The following BARX2 variants were observed in gnomAD, a reference collection of about 807,000 sequenced individuals.
The protein encoded by BARX2 is homeobox protein BarH-like 2.
In BARX2, 11 loss-of-function variants were observed where a neutral mutation model predicts 25.5. That is an observed-to-expected ratio of 0.43 (90% CI 0.27 to 0.71). BARX2 has a LOEUF of 0.71. BARX2 is among the 30% of genes least tolerant of loss of function. The pLI is 0.19. For missense variants in BARX2, 360 were observed against 359.9 expected, an observed-to-expected ratio of 1.00 and a Z score of 0.00; for synonymous variants, 137 against 149.5, an observed-to-expected ratio of 0.92 and a Z score of 0.61.
chr11:129,434,821 C>T (rs938854386), intron 1 of BARX2, among the ~76,000 whole-genome samples: 5 of 152,182 alleles, frequency 3.3e-5, no homozygotes, highest in Non-Finnish European at 5.9e-5. Flanking sequence ...ATATGAATGC[C>T]TATTTCCCCG....
Position 129,451,444 on chromosome 11 carries a change from G to A in BARX2, c.*42G>A. 1.3e-6 allele frequency: 2 copies of A among 1,587,724 alleles called. No individual in the cohort carries two copies. Among genetic ancestry groups the A allele is most frequent in the African/African-American group, 1.3e-5 (1 of 74,106 alleles). On this transcript the variant is annotated 3_prime_UTR_variant, in exon 4 of 4. Coordinates refer to ENST00000281437, the MANE Select transcript of BARX2 (RefSeq NM_003658.5). ...GGGAAGAGGGAGACTGGGGAGAAGG[G>A]AAAAGAGAGAAGGCAGGGAGAGTAG...
At chr11:129,430,516 AT>A (rs953159902) in intron 1 of BARX2, among the ~76,000 whole-genome samples, 4 of 151,942 alleles carry the variant, frequency 2.6e-5, no homozygotes, top group African/African-American at 7.3e-5. Flanking sequence ...TAACATTTTA[AT>A]TTTTTTTGAA....
chr11:129,387,804 A>G (rs1251354180), intron 1 of BARX2, among the ~76,000 whole-genome samples: 1 of 152,190 alleles, frequency 6.6e-6, no homozygotes, highest in Non-Finnish European at 1.5e-5. Flanking sequence ...GGGAGGTGCT[A>G]AATAGGAGTA....
chr11:129,376,301 G>A lies in BARX2; in HGVS notation c.187+79G>A, dbSNP rs763018966. The A allele has an allele frequency of 3.7e-6, 5 of 1,334,710 alleles. No homozygotes were observed. The highest frequency in any genetic ancestry group is 5.1e-6 in the Non-Finnish European group (5 of 980,918). 82.7% of individuals were successfully genotyped at this position (1,334,710 alleles called of 1,614,324 possible). On this transcript the variant is annotated intron_variant, in intron 1 of 3. Transcript: ENST00000281437. The surrounding 1 kb of genome is among the most constrained non-coding windows in gnomAD (Gnocchi z 4.2). ...AGGTGGCCTGTGCTTTGCGATCCGA[G>A]GGCGAGAGGAAGGGTTAAGTTAAGG...
At chr11:129,426,028 T>C (rs1862058557) in intron 1 of BARX2, among the ~76,000 whole-genome samples, 1 of 149,632 alleles carries the variant, frequency 6.7e-6, no homozygotes, top group African/African-American at 2.5e-5. Flanking sequence ...TTTAATGAGG[T>C]AGTTAATGTT....
In BARX2 at chr11:129,401,696, C is replaced by CTGTA. The variant is rs557431760; in HGVS notation, c.187+25475_187+25478dup. ...AGAAGCCGGGCACGGTGGCTCACAC[C>CTGTA]TGTAATTCCAGCACTTTGGGAGGCT... On this transcript the variant is annotated intron_variant, in intron 1 of 3. Transcript: ENST00000281437. Among the ~76,000 whole-genome samples, 12 of 152,276 alleles carry CTGTA rather than the reference C, an allele frequency of 7.9e-5. No individual in the cohort carries two copies. The East Asian group carries it at 2.3e-3, about 29-fold the overall frequency.
intron 1 of BARX2, among the ~76,000 whole-genome samples, chr11:129,414,858 A>G (rs1861928437): frequency 6.6e-6 from 1 of 152,272 alleles, no homozygotes; most frequent in Non-Finnish European, 1.5e-5. Flanking sequence ...GTTTAGGCCA[A>G]AAATAATTAA....
chr11:129,386,805 GTAT>G (rs1374459168), intron 1 of BARX2, among the ~76,000 whole-genome samples: 3 of 152,246 alleles, frequency 2.0e-5, no homozygotes, highest in Non-Finnish European at 4.4e-5. Context: ...CAAAGGGAAA[GTAT>G]TAGTGTGGAG....
At chr11:129,395,890 T>G (rs1314989191) in intron 1 of BARX2, among the ~76,000 whole-genome samples, 3 of 152,128 alleles carry the variant, frequency 2.0e-5, no homozygotes, top group Non-Finnish European at 2.9e-5. Flanking sequence ...GCTCAGGGTT[T>G]GCTATAGAGA....
At chr11:129,393,885 C>T (rs77936985) in intron 1 of BARX2, among the ~76,000 whole-genome samples, 5,068 of 152,112 alleles carry the variant, frequency 0.033, 264 homozygotes, top group African/African-American at 0.11. Flanking sequence ...GGATTGCTTG[C>T]GGCCAGGATT....
intron 2 of BARX2, among the ~76,000 whole-genome samples, chr11:129,439,219 G>A (rs943726263): frequency 1.3e-5 from 2 of 152,114 alleles, no homozygotes; most frequent in African/African-American, 4.8e-5. Flanking sequence ...TGATCATCAC[G>A]AAGACTTGAA....
chr11:129,446,316 G>A lies in BARX2; in HGVS notation c.573+3397G>A, dbSNP rs550836216. 3.9e-5 allele frequency among the ~76,000 whole-genome samples: 6 copies of A among 152,178 alleles called. No individual in the cohort carries two copies. The East Asian group carries it at 9.7e-4, about 25-fold the overall frequency. ...ATTGCGTGGGCCCCACACTATTCAT[G>A]GTCATTATCTTTCTCATGAAAAGTC... is the stretch of plus-strand genomic sequence containing the variant. On this transcript the variant is annotated intron_variant, in intron 3 of 3. Transcript: ENST00000281437.
intron 1 of BARX2, among the ~76,000 whole-genome samples, chr11:129,400,442 C>T (rs529692038): frequency 6.0e-4 from 92 of 152,154 alleles, no homozygotes; most frequent in African/African-American, 2.1e-3. Context: ...ACCAGGAGAA[C>T]GAGACTTCTG....
intron 1 of BARX2, among the ~76,000 whole-genome samples, chr11:129,384,001 G>A (rs1476115492): frequency 2.6e-5 from 4 of 152,212 alleles, no homozygotes; most frequent in East Asian, 1.9e-4. Flanking sequence ...ACCCTACCAA[G>A]TAGCTGGGAT....
chr11:129,397,823 C>T (rs116664126), intron 1 of BARX2, among the ~76,000 whole-genome samples: 3,094 of 152,300 alleles, frequency 0.02, 40 homozygotes, highest in Middle Eastern at 0.048. Context: ...GGGAGGGCAG[C>T]CTCTAAGTTG....
rs988998042 is a variant in BARX2 at position 129,436,636 on chromosome 11, C to T, written c.188-115C>T. 8.3e-7 allele frequency: 1 copy of T among 1,202,234 alleles called. No homozygotes were observed. Among genetic ancestry groups the T allele is most frequent in the Non-Finnish European group, 1.2e-6 (1 of 864,156 alleles). The allele number at this position is 1,202,234 out of a possible 1,614,324, so 74.5% of individuals were successfully genotyped here. A position where few individuals can be genotyped will look rare whatever the true frequency, so the allele number is the denominator to read the frequency against. On this transcript the variant is annotated intron_variant, in intron 1 of 3. Coordinates refer to ENST00000281437, the MANE Select transcript of BARX2 (RefSeq NM_003658.5). This position sits in a 1 kb window ranked among gnomAD's most constrained non-coding sequence, Gnocchi z 4.5. ...CTTCCCCTTCCTCCATCTGTACCTC[C>T]TTAAGAGCAGGGCCCTCCCTGTCAG...
At chr11:129,412,118 A>C (rs1037092209) in intron 1 of BARX2, among the ~76,000 whole-genome samples, 2 of 152,144 alleles carry the variant, frequency 1.3e-5, no homozygotes, top group African/African-American at 4.8e-5. Flanking sequence ...TAAAAACACA[A>C]AAAGTTAGCC....
At chr11:129,394,634 A>G (rs1011224658) in intron 1 of BARX2, among the ~76,000 whole-genome samples, 2 of 152,076 alleles carry the variant, frequency 1.3e-5, no homozygotes, top group African/African-American at 4.8e-5. Context: ...TTAACAGCAT[A>G]TGTTTTATAA....
chr11:129,437,196 A>G (rs2135412129), intron 2 of BARX2, 145 bp downstream of exon 2: 1 of 961,794 alleles, frequency 1.0e-6, no homozygotes, highest in Non-Finnish European at 1.4e-6. Context: ...AATCATCTCA[A>G]CCTTGGTTAA....
Sources: gnomAD v4.1 joint callset for allele counts (sites outside exome capture counted in the v4.1 genomes callset) on GRCh38, gnomAD v4.1.1 for gene constraint, Gnocchi (gnomAD v3.1) non-coding constraint, MANE v1.5 for transcripts, NCBI Gene and HGNC (gene_info 2026-07-23, HGNC 2026-07-21) for gene names.